The following CTNS variants were observed in gnomAD, a reference collection of about 807,000 sequenced individuals.
CTNS encodes the protein cystinosin.
CTNS carries 27 observed loss-of-function variants against 43.7 expected under a neutral mutation model. That is an observed-to-expected ratio of 0.62 (90% CI 0.46 to 0.85). The LOEUF (loss-of-function observed/expected upper bound fraction) is 0.85, where lower values mean the gene tolerates loss of function less well. CTNS is among the 40% of genes least tolerant of loss of function. CTNS has a pLI of 0.00. For synonymous variants in CTNS, 187 were observed against 190.6 expected, an observed-to-expected ratio of 0.98 and a Z score of 0.16; for missense variants, 457 against 475.4, an observed-to-expected ratio of 0.96 and a Z score of 0.36.
Position 3,637,220 on chromosome 17 carries a change from A to C in CTNS, c.-116A>C, listed in dbSNP as rs1018687737. ...CCCATCCTCCCCTCCGGGTTTTCACACTGGGCGAAGGGAGGACTCCTGAGC... is the reference window on the plus strand; with the variant it reads ...CCCATCCTCCCCTCCGGGTTTTCACCCTGGGCGAAGGGAGGACTCCTGAGC... On this transcript the variant is annotated 5_prime_UTR_variant, in exon 2 of 12. Coordinates refer to ENST00000046640, the MANE Select transcript of CTNS (RefSeq NM_004937.3). 6.6e-6 allele frequency: 1 copy of C among 152,114 alleles called. No individual in the cohort carries two copies. Among genetic ancestry groups the C allele is most frequent in the Admixed American group, 6.6e-5 (1 of 15,266 alleles). The allele number at this position is 152,114 out of a possible 1,614,324, so 9.4% of individuals were successfully genotyped here. A position where few individuals can be genotyped will look rare whatever the true frequency, so the allele number is the denominator to read the frequency against.
chr17:3,660,862 A>G lies in CTNS; in HGVS notation c.*493A>G. ...CGGGCTAGGACTTTGGGGTTAGGCC[A>G]TGGGGCTCTTTCTCTGAAGGCCACT... On this transcript the variant is annotated 3_prime_UTR_variant, in exon 12 of 12. Transcript: ENST00000046640. 7.0e-7 allele frequency: 1 copy of G among 1,427,584 alleles called. No homozygotes were observed. Among genetic ancestry groups the G allele is most frequent in the Non-Finnish European group, 9.6e-7 (1 of 1,043,968 alleles). 88.4% of individuals were successfully genotyped at this position (1,427,584 alleles called of 1,614,324 possible).
At chr17:3,654,191 C>T (rs1378643979) in intron 5 of CTNS, among the ~76,000 whole-genome samples, 3 of 152,148 alleles carry the variant, frequency 2.0e-5, no homozygotes, top group East Asian at 1.9e-4. Flanking sequence ...TTCTGAACAT[C>T]CTGTCATTCA....
intron 4 of CTNS, among the ~76,000 whole-genome samples, chr17:3,648,554 C>T (rs1477801510): frequency 1.3e-5 from 2 of 152,212 alleles, no homozygotes; most frequent in Non-Finnish European, 2.9e-5. Flanking sequence ...CCTTTCCCAC[C>T]GGAGCAGGGA....
At chr17:3,642,000 C>T (rs571454141) in intron 3 of CTNS, among the ~76,000 whole-genome samples, 1 of 146,956 alleles carries the variant, frequency 6.8e-6, no homozygotes, top group African/African-American at 2.5e-5. Context: ...GGAGCATGTG[C>T]GTGTGCCTGG....
At chr17:3,655,549 G>A (rs1473899919) in intron 7 of CTNS, 197 bp downstream of exon 7, 27 of 707,512 alleles carry the variant, frequency 3.8e-5, no homozygotes, top group Non-Finnish European at 3.5e-5. Flanking sequence ...CCCTTGCCCA[G>A]CTCAGCCCCT....
rs903192176 is a variant in CTNS at position 3,656,551 on chromosome 17, T to C, written c.526T>C (p.Phe176Leu). ...NLTGFVAYSV[F>L]NIGLLWVPYI... ...GACGGGCTTCGTGGCCTACAGTGTA[T>C]TCAACATCGGCCTCCTCTGGGTGCC... The change falls in exon 8 of 12, where the codon TTC becomes CTC. Residue 176 changes from phenylalanine (F) to leucine (L), a missense_variant. Phe to Leu is a conservative substitution (Grantham distance 22, BLOSUM62 0). Transcript: ENST00000046640. 6.2e-7 allele frequency: 1 copy of C among 1,609,624 alleles called. No homozygotes were observed. The highest frequency in any genetic ancestry group is 1.4e-5 in the African/African-American group (1 of 73,178).
chr17:3,659,767 C>T (rs762306433), intron 10 of CTNS, 91 bp from the exon 11 acceptor site: 26 of 907,064 alleles, frequency 2.9e-5, no homozygotes, highest in South Asian at 8.1e-5. Context: ...GAATGAGAAC[C>T]GCTTTTGTTT....
rs1364349645 is a variant in CTNS, at chr17:3,636,824, G to C, written c.-237G>C. 1 of 152,434 alleles carries C rather than the reference G, an allele frequency of 6.6e-6. No individual in the cohort carries two copies. Among genetic ancestry groups the C allele is most frequent in the Admixed American group, 6.5e-5 (1 of 15,288 alleles). The allele number at this position is 152,434 out of a possible 1,614,324, so 9.4% of individuals were successfully genotyped here. A position where few individuals can be genotyped will look rare whatever the true frequency, so the allele number is the denominator to read the frequency against. ...TGAGGGCGGTTCCTCGAGCCTGGGG[G>C]CGCTCAGGTGAGAGCGGACGCGGCC... is the stretch of plus-strand genomic sequence containing the variant. On this transcript the variant is annotated 5_prime_UTR_variant, in exon 1 of 12. Coordinates refer to ENST00000046640, the MANE Select transcript of CTNS (RefSeq NM_004937.3).
In CTNS at chr17:3,639,622, C is replaced by T. The variant is rs183804103; in HGVS notation, c.-19-566C>T. Among the ~76,000 whole-genome samples the T allele has an allele frequency of 3.5e-3, 526 of 150,738 alleles. 3 individuals are homozygous for T. The highest frequency in any genetic ancestry group is 4.2e-3 in the Non-Finnish European group (286 of 67,742). On this transcript the variant is annotated intron_variant, in intron 2 of 11. Coordinates refer to ENST00000046640, the MANE Select transcript of CTNS (RefSeq NM_004937.3). ...GGTGGAGGTTTCAGTGAACAGAGTT[C>T]GCACCACTGCACTCCAGCCTGGGCA...
chr17:3,647,182 G>A (rs565875319), intron 3 of CTNS, among the ~76,000 whole-genome samples: 15 of 152,298 alleles, frequency 9.8e-5, no homozygotes, highest in East Asian at 1.9e-4. Context: ...TAACTCAGCC[G>A]CAGACTCTCA....
intron 9 of CTNS, 172 bp from the exon 10 acceptor site, chr17:3,657,833 A>C: frequency 1.5e-6 from 1 of 674,690 alleles, no homozygotes; most frequent in Non-Finnish European, 2.6e-6. Flanking sequence ...TCTGTGGTCC[A>C]CATGTTCCCC....
At chr17:3,642,962 G>A (rs530874107) in intron 3 of CTNS, among the ~76,000 whole-genome samples, 2 of 152,208 alleles carry the variant, frequency 1.3e-5, no homozygotes, top group African/African-American at 4.8e-5. Context: ...CAAGCTGTGT[G>A]GGCAAGAAAC....
In CTNS at chr17:3,639,121, A is replaced by G. The variant is rs554310459; in HGVS notation, c.-19-1067A>G. 7.2e-5 allele frequency among the ~76,000 whole-genome samples: 11 copies of G among 152,272 alleles called. No individual in the cohort carries two copies. The East Asian group carries it at 2.1e-3, about 29-fold the overall frequency. On this transcript the variant is annotated intron_variant, in intron 2 of 11. Coordinates refer to ENST00000046640, the MANE Select transcript of CTNS (RefSeq NM_004937.3). Reference sequence around the variant, plus strand: ...AGTGGGAACAGGGATGTCTCCACACAGACCTTACCCAGAGCTCCCCACAGT... The same window carrying G: ...AGTGGGAACAGGGATGTCTCCACACGGACCTTACCCAGAGCTCCCCACAGT...
chr17:3,641,414 CAG>C (rs2075704601), intron 3 of CTNS, among the ~76,000 whole-genome samples: 1 of 25,886 alleles, frequency 3.9e-5, no homozygotes, highest in Non-Finnish European at 6.9e-5. Context: ...TTTTTTGAGA[CAG>C]AGTCTCACTC....
At position 3,658,101 on chromosome 17, in the gene CTNS, A is replaced by T; in HGVS notation, c.778A>T (p.Thr260Ser). ...CATGATCGTGGCTGCAGTGGGAGTG[A>T]CCACGTGGCTGCAGTTTCTCTTCTG... ...VTMIVAAVGV[T>S]TWLQFLFCFS... is the part of the protein sequence containing the mutation. The change falls in exon 10 of 12, where the codon ACC (threonine) becomes TCC (serine). Residue 260 changes from threonine to serine, a missense_variant. Physicochemically the swap from Thr to Ser is moderately conservative, Grantham distance 58 (BLOSUM62 1). Transcript: ENST00000046640. The T allele has an allele frequency of 6.2e-7, 1 of 1,612,522 alleles. No homozygotes were observed. The highest frequency in any genetic ancestry group is 8.5e-7 in the Non-Finnish European group (1 of 1,179,966).
rs956015413 is a variant in CTNS at position 3,661,166 on chromosome 17, C to T, written c.*797C>T. On this transcript the variant is annotated 3_prime_UTR_variant, in exon 12 of 12. Transcript: ENST00000046640. ...CCAGCATCTGGAGTACAGGACATAG[C>T]TCTCTCCTGCTACCAGTCTGTGCCT... 7 of 282,818 alleles carry T rather than the reference C, an allele frequency of 2.5e-5. No homozygotes were observed. The highest frequency in any genetic ancestry group is 1.1e-4 in the African/African-American group (5 of 45,580). 17.5% of individuals were successfully genotyped at this position (282,818 alleles called of 1,614,324 possible).
chr17:3,654,854 C>T, intron 5 of CTNS, 144 bp from the exon 6 acceptor site: 1 of 752,788 alleles, frequency 1.3e-6, no homozygotes, highest in South Asian at 1.4e-5. Context: ...CGCAGCGTCT[C>T]TCCTTTTGCT....
chr17:3,649,508 A>C (rs1415759103), intron 5 of CTNS, among the ~76,000 whole-genome samples: 1 of 151,854 alleles, frequency 6.6e-6, no homozygotes, highest in Non-Finnish European at 1.5e-5. Flanking sequence ...CTCAAAGGGC[A>C]TTCAAGGACC....
chr17:3,648,688 G>A (rs578115097), intron 4 of CTNS, among the ~76,000 whole-genome samples, 159 bp from the exon 5 acceptor site: 3 of 152,310 alleles, frequency 2.0e-5, no homozygotes, highest in South Asian at 4.1e-4. Flanking sequence ...GAAGGCCTAC[G>A]GGAGCACGAT....
Sources: allele counts gnomAD v4.1 joint callset (sites outside exome capture counted in the v4.1 genomes callset), GRCh38; gene constraint gnomAD v4.1.1; transcripts MANE v1.5; gene names NCBI Gene and HGNC (gene_info 2026-07-23, HGNC 2026-07-21).